Variants in UTP14A observed in about 807,000 individuals in gnomAD.
UTP14A encodes the protein UTP14A small subunit processome component.
In UTP14A, 5 loss-of-function variants were observed where a neutral mutation model predicts 57.2. That is an observed-to-expected ratio of 0.09 (90% CI 0.05 to 0.18). The LOEUF is 0.18. Ranked by LOEUF, UTP14A falls within the 10% of genes least tolerant of loss-of-function variation. The pLI is 1.00. For missense variants in UTP14A, 430 were observed against 562.1 expected, an observed-to-expected ratio of 0.76 and a Z score of 2.38; for synonymous variants, 169 against 210.9, an observed-to-expected ratio of 0.80 and a Z score of 1.72.
intron 10 of UTP14A, 162 bp downstream of exon 10, chrX:129,920,914 G>A (rs1237541477): frequency 1.3e-6 from 1 of 754,465 alleles, no homozygotes; most frequent in Non-Finnish European, 1.6e-6. Context: ...AGGTGGAAAA[G>A]GAGAGATGAA....
chrX:129,907,682 G>T (rs905976300), intron 2 of UTP14A, among the ~76,000 whole-genome samples: 8 of 112,241 alleles, frequency 7.1e-5, no homozygotes, highest in Non-Finnish European at 1.5e-4. Context: ...AACAGGCCCG[G>T]GTGATGGCTC....
Position 129,926,322 on chromosome X carries a change from C to T in UTP14A, c.2026C>T (p.His676Tyr), listed in dbSNP as rs150314190. 9.0e-5 allele frequency: 109 copies of T among 1,209,271 alleles called. No homozygotes were observed. The African/African-American group carries it at 1.6e-3, about 18-fold the overall frequency. ...GATTATCAATGAGAAGCGCAACATC[C>T]ACGCAGCTGCTCATCAGGTGAGAGC... ...NVIINEKRNI[H>Y]AAAHQVRVLP... Residue 676 changes from histidine (H) to tyrosine (Y), a missense_variant, in exon 14 of 15, where the codon CAC becomes TAC. By Grantham distance (83) the His-to-Tyr change is moderately conservative. This residue lies in a region of UTP14A where 82 missense variants were observed against 151.4 expected (regional missense o/e 0.54). Transcript: ENST00000394422.
intron 14 of UTP14A, 106 bp downstream of exon 14, chrX:129,926,445 A>G (rs1221701493): frequency 2.9e-6 from 2 of 678,059 alleles, no homozygotes; most frequent in Non-Finnish European, 4.5e-6. Context: ...TGTGATCTTG[A>G]CCGCAGAATC....
rs778079199 is a variant in UTP14A at position 129,915,524 on chromosome X, C to CAAAA, written c.537+3619_537+3622dup. 4.8e-3 allele frequency among the ~76,000 whole-genome samples: 191 copies of CAAAA among 39,763 alleles called. 8 individuals carry two copies. Among genetic ancestry groups the CAAAA allele is most frequent in the African/African-American group, 0.015 (171 of 11,697 alleles). 34.5% of individuals were successfully genotyped at this position (39,763 alleles called of 115,157 possible). A position where few individuals can be genotyped will look rare whatever the true frequency, so the allele number is the denominator to read the frequency against. Reference sequence around the variant, plus strand: ...TGGGCGACAGAGCGAGACTCTGTCTCAAAAAAAAAAAAAAAAAAAGGCTAT... The same window carrying CAAAA: ...TGGGCGACAGAGCGAGACTCTGTCTCAAAAAAAAAAAAAAAAAAAAAAAGGCTAT... On this transcript the variant is annotated intron_variant, in intron 6 of 14. Transcript: ENST00000394422.
chrX:129,913,461 C>T, intron 6 of UTP14A: 1 of 332,791 alleles, frequency 3.0e-6, no homozygotes, highest in South Asian at 2.7e-5. Flanking sequence ...AGTTTGATTC[C>T]ACCCGTGCCC....
chrX:129,926,433 C>T (rs1280500422), intron 14 of UTP14A, 94 bp downstream of exon 14: 45 of 767,340 alleles, frequency 5.9e-5, no homozygotes, highest in South Asian at 1.8e-4. Flanking sequence ...TCAAGAGAGA[C>T]GTGTGATCTT....
In UTP14A at chrX:129,921,360, C is replaced by T. The variant is rs773323326; in HGVS notation, c.1121C>T (p.Pro374Leu). The T allele has an allele frequency of 2.2e-5, 27 of 1,209,774 alleles. No individual in the cohort carries two copies. The South Asian group carries it at 4.2e-4, about 19-fold the overall frequency. Residue 374 changes from proline to leucine, a missense_variant, in exon 11 of 15, where the codon CCC becomes CTC. Coordinates refer to ENST00000394422, the MANE Select transcript of UTP14A (RefSeq NM_006649.4). The stretch of plus-strand genomic sequence containing the variant: ...CAGATGAATGCAGATGGGCCGAATC[C>T]CTGGATGCTCAGGAGCTGCACCAGT... The part of the protein sequence containing the change: ...EVQMNADGPN[P>L]WMLRSCTSDT...
At position 129,921,169 on chromosome X, in the gene UTP14A, C is replaced by T. The variant is rs368724259; in HGVS notation, c.955-25C>T. On this transcript the variant is annotated intron_variant, in intron 10 of 14. Transcript: ENST00000394422. ...TATTGCGGTCACTAATGACAGGGCT[C>T]TCATGCTGTGACTCTTTCCTCCAGG... 224 of 1,184,118 alleles carry T rather than the reference C, an allele frequency of 1.9e-4. No homozygotes were observed. In the African/African-American group the frequency reaches 3.4e-3, roughly 18 times the overall value.
In UTP14A at chrX:129,919,983, A is replaced by T. The variant is rs373030439; in HGVS notation, c.753-474A>T. 5.2e-4 allele frequency among the ~76,000 whole-genome samples: 58 copies of T among 111,196 alleles called. 3 individuals carry two copies. In the East Asian group the frequency reaches 6.8e-3, roughly 13 times the overall value. ...GCAGGTGGATCACTTGAGGTAAGGA[A>T]TTCAAGACCAGCCTGGCCAACATGG... is the stretch of plus-strand genomic sequence containing the variant. On this transcript the variant is annotated intron_variant, in intron 8 of 14. Coordinates refer to ENST00000394422, the MANE Select transcript of UTP14A (RefSeq NM_006649.4).
chrX:129,926,143 G>A (rs760697585), intron 13 of UTP14A, 31 bp downstream of exon 13: 1 of 1,208,919 alleles, frequency 8.3e-7, no homozygotes, highest in Non-Finnish European at 1.1e-6. Flanking sequence ...CTGTCAAAAG[G>A]GCACCGGGTT....
At chrX:129,914,075 C>T (rs1929585585) in intron 6 of UTP14A, among the ~76,000 whole-genome samples, 1 of 111,808 alleles carries the variant, frequency 8.9e-6, no homozygotes, top group Admixed American at 9.5e-5. Context: ...TAGAGTGAGG[C>T]TCAGATGTCA....
chrX:129,919,667 G>C (rs1051587567), intron 8 of UTP14A, among the ~76,000 whole-genome samples, 178 bp downstream of exon 8: 1 of 112,082 alleles, frequency 8.9e-6, no homozygotes, highest in African/African-American at 3.2e-5. Context: ...TTGCCAAAAA[G>C]ATGACTATTC....
At chrX:129,922,764 T>C (rs1487967314) in intron 11 of UTP14A, 1 of 110,890 alleles carries the variant, frequency 9.0e-6, no homozygotes, top group African/African-American at 3.3e-5. Context: ...ATACAAAAAT[T>C]TATTTTAAAA....
intron 4 of UTP14A, among the ~76,000 whole-genome samples, chrX:129,909,687 G>A (rs1011424398): frequency 9.0e-6 from 1 of 111,325 alleles, no homozygotes; most frequent in Admixed American, 9.6e-5. Flanking sequence ...CTGGGGTGGC[G>A]GGGTGGTAAA....
At chrX:129,910,079 G>A (rs765161073) in intron 4 of UTP14A, among the ~76,000 whole-genome samples, 179 of 111,570 alleles carry the variant, frequency 1.6e-3, no homozygotes, top group Non-Finnish European at 3.0e-3. Context: ...CCCTGAAGAG[G>A]CAAAATTGAA....
chrX:129,926,844 A>T (rs1930126187), intron 14 of UTP14A, among the ~76,000 whole-genome samples: 1 of 112,237 alleles, frequency 8.9e-6, no homozygotes, highest in African/African-American at 3.2e-5. Context: ...GATGACCTTT[A>T]TGTTCCCTTC....
chrX:129,919,091 T>TA, intron 6 of UTP14A, 84 bp from the exon 7 acceptor site: 1 of 1,179,003 alleles, frequency 8.5e-7, no homozygotes, highest in Non-Finnish European at 1.1e-6. Context: ...TATAGTGTCA[T>TA]AAGTTAGAGA....
chrX:129,914,247 CTAG>C (rs1929592608), intron 6 of UTP14A, among the ~76,000 whole-genome samples: 1 of 111,117 alleles, frequency 9.0e-6, no homozygotes, highest in African/African-American at 3.3e-5. Context: ...GTACCAACAA[CTAG>C]TATATGCTGT....
chrX:129,913,475 C>T, intron 6 of UTP14A: 1 of 329,767 alleles, frequency 3.0e-6, no homozygotes, highest in South Asian at 2.8e-5. Context: ...CGTGCCCCAT[C>T]TGATCATTTT....
Sources: gnomAD v4.1 joint callset for allele counts (sites outside exome capture counted in the v4.1 genomes callset) on GRCh38, gnomAD v4.1.1 for gene constraint, gnomAD v4.1.1 regional missense constraint, MANE v1.5 for transcripts, NCBI Gene and HGNC (gene_info 2026-07-23, HGNC 2026-07-21) for gene names.